The following AGBL1 variants were observed in gnomAD, a reference collection of about 807,000 sequenced individuals.
The protein encoded by AGBL1 is cytosolic carboxypeptidase 4.
In AGBL1, 130 loss-of-function variants were observed where a neutral mutation model predicts 118.9. The observed-to-expected ratio is 1.09, with a 90% confidence interval of 0.95 to 1.26. The LOEUF is 1.26. Ranked by LOEUF, AGBL1 falls within the 50% of genes most tolerant of loss-of-function variation. AGBL1 has a pLI of 0.00. For missense variants in AGBL1, 1,584 were observed against 1,298.1 expected, an observed-to-expected ratio of 1.22 and a Z score of -3.38; for synonymous variants, 555 against 478.9, an observed-to-expected ratio of 1.16 and a Z score of -2.08.
At chr15:86,703,408 T>C (rs1299470938) in intron 22 of AGBL1, among the ~76,000 whole-genome samples, 1 of 152,188 alleles carries the variant, frequency 6.6e-6, no homozygotes, top group Non-Finnish European at 1.5e-5. Flanking sequence ...GTTGTTTACA[T>C]TGTTTATGTT....
intron 5 of AGBL1, among the ~76,000 whole-genome samples, chr15:86,195,979 C>A (rs762248916): frequency 1.3e-5 from 2 of 152,036 alleles, no homozygotes; most frequent in Non-Finnish European, 1.5e-5. Context: ...AAAAAGATTT[C>A]GTGGTCAAAT....
chr15:87,018,530 G>T (rs1042592892), intron 24 of AGBL1, among the ~76,000 whole-genome samples: 2 of 152,086 alleles, frequency 1.3e-5, no homozygotes, highest in East Asian at 3.9e-4. Flanking sequence ...AAGAAAAGGA[G>T]ATATAAGATC....
chr15:86,247,959 G>C, intron 7 of AGBL1, 80 bp downstream of exon 7: 1 of 1,524,038 alleles, frequency 6.6e-7, no homozygotes, highest in South Asian at 1.1e-5. Context: ...AATCATCCCA[G>C]ATAGAGCTGG....
chr15:86,834,678 G>T (rs944231126), intron 22 of AGBL1, among the ~76,000 whole-genome samples: 1 of 152,112 alleles, frequency 6.6e-6, no homozygotes, highest in Non-Finnish European at 1.5e-5. Context: ...GTTTTGCCCA[G>T]TTACCACTAG....
intron 21 of AGBL1, among the ~76,000 whole-genome samples, chr15:86,667,208 ATGTATCTATG>A: frequency 2.3e-5 from 1 of 44,090 alleles, no homozygotes; most frequent in South Asian, 8.8e-4. Context: ...ATATCTATGT[ATGTATCTATG>A]TATGTATGTA....
intron 23 of AGBL1, among the ~76,000 whole-genome samples, chr15:86,983,372 A>T (rs1357414504): frequency 6.6e-6 from 1 of 152,188 alleles, no homozygotes; most frequent in Non-Finnish European, 1.5e-5. Flanking sequence ...ATTCGCACAA[A>T]GAATATATAT....
downstream of AGBL1, among the ~76,000 whole-genome samples, chr15:87,030,013 GAA>G (rs1017329286): frequency 6.7e-6 from 1 of 149,796 alleles, no homozygotes; most frequent in East Asian, 2.0e-4. Context: ...AAGGATAAAT[GAA>G]AAAAAAATCT....
At chr15:86,191,348 C>CAAAAAAAAAAAAAAAAAAAAAAA in intron 5 of AGBL1, among the ~76,000 whole-genome samples, 1 of 65,106 alleles carries the variant, frequency 1.5e-5, no homozygotes, top group Middle Eastern at 9.3e-3. Context: ...AACTTTGTCT[C>CAAAAAAAAAAAAAAAAAAAAAAA]AAAAAAAAAA....
At position 86,502,335 on chromosome 15, in the gene AGBL1, G is replaced by C. The variant is rs899567765; in HGVS notation, c.2556-20475G>C. On this transcript the variant is annotated intron_variant, in intron 18 of 22. Transcript: ENST00000614907. ...AGTTTATTACCTCTAATTTTTTGTAGATTAATTAGGATTTTCTGTATACAA... is the reference window on the plus strand; with the variant it reads ...AGTTTATTACCTCTAATTTTTTGTACATTAATTAGGATTTTCTGTATACAA... Among the ~76,000 whole-genome samples the C allele has an allele frequency of 4.0e-5, 6 of 151,488 alleles. No homozygotes were observed. The East Asian group carries it at 5.8e-4, about 15-fold the overall frequency.
intron 22 of AGBL1, among the ~76,000 whole-genome samples, chr15:86,683,434 T>C (rs77539204): frequency 1.9e-3 from 292 of 152,314 alleles, no homozygotes; most frequent in Non-Finnish European, 3.5e-3. Flanking sequence ...TCATACTGCA[T>C]TTGCTGCTTC....
At chr15:86,851,964 G>A (rs775458579) in intron 22 of AGBL1, among the ~76,000 whole-genome samples, 20 of 152,196 alleles carry the variant, frequency 1.3e-4, no homozygotes, top group African/African-American at 4.1e-4. Context: ...GTAAAAAGAC[G>A]ACTGCATCTG....
At chr15:86,852,786 A>T (rs990537266) in intron 22 of AGBL1, among the ~76,000 whole-genome samples, 2 of 152,178 alleles carry the variant, frequency 1.3e-5, no homozygotes, top group Non-Finnish European at 2.9e-5. Flanking sequence ...TAGATCCCTT[A>T]TCTCCTACCT....
intron 19 of AGBL1, among the ~76,000 whole-genome samples, chr15:86,527,842 T>C (rs1405762283): frequency 6.6e-6 from 1 of 152,154 alleles, no homozygotes; most frequent in African/African-American, 2.4e-5. Context: ...ACCAGACAAG[T>C]CATTCACTTT....
intron 16 of AGBL1, among the ~76,000 whole-genome samples, chr15:86,283,526 G>A (rs1012640326): frequency 3.3e-5 from 5 of 151,618 alleles, no homozygotes; most frequent in African/African-American, 1.2e-4. Context: ...GAAAGAAGAA[G>A]AAAGAAAGAA....
chr15:86,918,049 G>GC (rs1240684040), downstream of AGBL1, among the ~76,000 whole-genome samples: 4 of 152,146 alleles, frequency 2.6e-5, no homozygotes, highest in Non-Finnish European at 5.9e-5. Context: ...CATGGGGGAA[G>GC]CCACCAAAGA....
intron 18 of AGBL1, among the ~76,000 whole-genome samples, chr15:86,430,534 G>A (rs2081923515): frequency 6.6e-6 from 1 of 150,970 alleles, no homozygotes; most frequent in South Asian, 2.1e-4. Flanking sequence ...CTTTTGCCAA[G>A]TGCTAGACAC....
Position 86,214,211 on chromosome 15 carries a change from A to G in AGBL1, c.489-10703A>G, listed in dbSNP as rs568129195. Reference sequence around the variant, plus strand: ...TTTTTGTTCATCTATTGAATCAGAAACTGTCTGCTGGGTGCCTGCTCTGTG... The same window carrying G: ...TTTTTGTTCATCTATTGAATCAGAAGCTGTCTGCTGGGTGCCTGCTCTGTG... On this transcript the variant is annotated intron_variant, in intron 5 of 22. Transcript: ENST00000614907. Among the ~76,000 whole-genome samples the G allele has an allele frequency of 3.9e-5, 6 of 152,240 alleles. No homozygotes were observed. The South Asian group carries it at 1.0e-3, about 26-fold the overall frequency.
At chr15:86,461,696 CAT>C (rs1288247254) in intron 18 of AGBL1, among the ~76,000 whole-genome samples, 1 of 152,074 alleles carries the variant, frequency 6.6e-6, no homozygotes, top group Non-Finnish European at 1.5e-5. Flanking sequence ...ATATCTATAA[CAT>C]ATATAAAACA....
intron 22 of AGBL1, among the ~76,000 whole-genome samples, chr15:86,722,886 A>G (rs1414320352): frequency 1.3e-5 from 2 of 152,240 alleles, no homozygotes; most frequent in Non-Finnish European, 2.9e-5. Flanking sequence ...TTATGCAGCC[A>G]AAAGACACAT....
Sources: allele counts gnomAD v4.1 joint callset (sites outside exome capture counted in the v4.1 genomes callset), GRCh38; gene constraint gnomAD v4.1.1; transcripts MANE v1.5; gene names NCBI Gene and HGNC (gene_info 2026-07-23, HGNC 2026-07-21).